The following NXPE2 variants were observed in gnomAD, a reference collection of about 807,000 sequenced individuals.
NXPE2 encodes neurexophilin and PC-esterase domain family member 2, also known as NXPE family member 2.
Under a neutral mutation model 34.4 loss-of-function variants are expected in NXPE2, and 34 were observed. That is an observed-to-expected ratio of 0.99 (90% CI 0.75 to 1.31). The LOEUF is 1.31. Ranked by LOEUF, NXPE2 falls within the 40% of genes most tolerant of loss-of-function variation. The pLI is 0.00. For missense variants in NXPE2, 649 were observed against 672.5 expected, an observed-to-expected ratio of 0.97 and a Z score of 0.39; for synonymous variants, 235 against 231.3, an observed-to-expected ratio of 1.02 and a Z score of -0.15.
At chr11:114,707,487 C>T (rs751918534), downstream of NXPE2, 69 of 344,904 alleles carry the variant, frequency 2.0e-4, no homozygotes, top group South Asian at 1.1e-3. Context: ...CTCTGCCTCC[C>T]GGGTTCAAGC....
At chr11:114,498,744 C>A in the NXPE2 span, among the ~76,000 whole-genome samples, 1 of 151,770 alleles carries the variant, frequency 6.6e-6, no homozygotes, top group African/African-American at 2.4e-5. Flanking sequence ...TATTTTTAAT[C>A]TTCAGAGGTA....
At chr11:114,641,272 A>G in the NXPE2 span, among the ~76,000 whole-genome samples, 1 of 152,036 alleles carries the variant, frequency 6.6e-6, no homozygotes, top group African/African-American at 2.4e-5. Context: ...ATCACTATCT[A>G]TATTTTAAAA....
upstream of NXPE2, among the ~76,000 whole-genome samples, chr11:114,677,701 TGTATATAAATATACACATATCTATGAA>T (rs1266415471): frequency 6.6e-6 from 1 of 152,076 alleles, no homozygotes; most frequent in Non-Finnish European, 1.5e-5. Context: ...AAATGCTATG[TGTATATAAATATACACATATCTATGAA>T]GTATACACAT....
the NXPE2 span, among the ~76,000 whole-genome samples, chr11:114,616,021 T>G: frequency 4.6e-5 from 7 of 151,770 alleles, no homozygotes; most frequent in Non-Finnish European, 1.0e-4. Context: ...AAGTATTGCC[T>G]CGTGGGTAAC....
the NXPE2 span, among the ~76,000 whole-genome samples, chr11:114,606,181 G>T: frequency 3.6e-4 from 54 of 151,922 alleles, 1 homozygote; most frequent in Middle Eastern, 0.01. Flanking sequence ...TGCCTTGTGG[G>T]TAATCACAGT....
At chr11:114,724,075 T>G in the NXPE2 span, among the ~76,000 whole-genome samples, 2 of 152,148 alleles carry the variant, frequency 1.3e-5, no homozygotes. Flanking sequence ...AATGTCAAAC[T>G]TGTTGGACGG....
the NXPE2 span, among the ~76,000 whole-genome samples, chr11:114,481,507 A>C: frequency 1.3e-5 from 2 of 152,182 alleles, no homozygotes; most frequent in Non-Finnish European, 2.9e-5. Flanking sequence ...TGTGTGAAAA[A>C]GGAAGTGAAA....
the NXPE2 span, chr11:114,513,112 C>T: frequency 5.6e-6 from 3 of 539,664 alleles, no homozygotes; most frequent in Non-Finnish European, 1.1e-5. Context: ...AAGCACCTGC[C>T]ATCAGGGCTG....
chr11:114,631,974 A>G, the NXPE2 span, among the ~76,000 whole-genome samples: 2 of 149,640 alleles, frequency 1.3e-5, no homozygotes, highest in African/African-American at 4.9e-5. Context: ...GTACTGGATA[A>G]TAAATATTGC....
intron 2 of NXPE2, among the ~76,000 whole-genome samples, chr11:114,694,103 A>G (rs1374320110): frequency 6.6e-6 from 1 of 152,150 alleles, no homozygotes; most frequent in Non-Finnish European, 1.5e-5. Context: ...TCTTTTTCAC[A>G]CTGCCATCTC....
the NXPE2 span, among the ~76,000 whole-genome samples, chr11:114,588,804 A>G: frequency 2.0e-5 from 3 of 152,192 alleles, no homozygotes; most frequent in African/African-American, 4.8e-5. Flanking sequence ...AAGCACTAAT[A>G]AAACACACCT....
chr11:114,679,609 C>A, intron 1 of NXPE2, 48 bp from the exon 2 acceptor site: 2 of 1,175,928 alleles, frequency 1.7e-6, no homozygotes, highest in South Asian at 1.4e-5. Context: ...GGAGCCATGT[C>A]GTACTTATTT....
rs1951477557 is a variant in NXPE2, at chr11:114,706,597, C to T, written c.1347C>T (p.Thr449=). The T allele has an allele frequency of 1.3e-6, 2 of 1,551,790 alleles. No homozygotes were observed. The highest frequency in any genetic ancestry group is 1.7e-6 in the Non-Finnish European group (2 of 1,146,956). ...AGDKNTAIVI[T]LGQHFRPFPI... is the part of the protein sequence containing the mutation. ...ACAAAAACACAGCCATTGTCATTAC[C>T]CTCGGCCAACACTTCAGACCCTTTC... The change falls in exon 6 of 6, where the codon ACC becomes ACT. Residue 449 remains threonine (T), a synonymous_variant. Transcript: ENST00000389586.
chr11:114,799,959 TCCTCTGTCTC>T, the NXPE2 span, among the ~76,000 whole-genome samples: 6 of 134,704 alleles, frequency 4.5e-5, no homozygotes, highest in Middle Eastern at 3.8e-3. Flanking sequence ...CTCTCCTTCT[TCCTCTGTCTC>T]CCTCCTCCCT....
At chr11:114,491,917 C>T in the NXPE2 span, among the ~76,000 whole-genome samples, 17,707 of 152,062 alleles carry the variant, frequency 0.12, 1,380 homozygotes, top group East Asian at 0.23. Flanking sequence ...GGACAAAAAA[C>T]CAAACACCGC....
the NXPE2 span, among the ~76,000 whole-genome samples, chr11:114,506,112 TAAA>T: frequency 0.023 from 3,112 of 134,436 alleles, 109 homozygotes; most frequent in African/African-American, 0.075. Context: ...CAAGAAATAT[TAAA>T]AAAAAAAAAA....
chr11:114,799,865 C>G, the NXPE2 span, among the ~76,000 whole-genome samples: 1 of 151,554 alleles, frequency 6.6e-6, no homozygotes, highest in Non-Finnish European at 1.5e-5. Context: ...CCCTTCATCT[C>G]ACCCTCCCTC....
chr11:114,587,689 T>C, the NXPE2 span, among the ~76,000 whole-genome samples: 2 of 152,202 alleles, frequency 1.3e-5, no homozygotes, highest in Non-Finnish European at 2.9e-5. Flanking sequence ...ATGCCCCCAC[T>C]GTCTTCCCCT....
chr11:114,522,440 T>C, the NXPE2 span: 1 of 1,613,604 alleles, frequency 6.2e-7, no homozygotes, highest in Non-Finnish European at 8.5e-7. Flanking sequence ...AGTGTGTCTT[T>C]CTGCATCCAG....
Sources: allele counts gnomAD v4.1 joint callset (sites outside exome capture counted in the v4.1 genomes callset), GRCh38; gene constraint gnomAD v4.1.1; transcripts MANE v1.5; gene names NCBI Gene and HGNC (gene_info 2026-07-23, HGNC 2026-07-21).